The following STIM1 variants were observed in gnomAD, a reference collection of about 807,000 sequenced individuals.
The protein encoded by STIM1 is stromal interaction molecule 1.
A neutral mutation model predicts 74.7 loss-of-function variants in STIM1; 25 were observed. The observed-to-expected ratio is 0.33, with a 90% confidence interval of 0.24 to 0.47. The LOEUF (loss-of-function observed/expected upper bound fraction) is 0.47, where lower values mean the gene tolerates loss of function less well. STIM1 is among the 20% of genes least tolerant of loss of function. The pLI is 1.00. For synonymous variants in STIM1, 328 were observed against 348.8 expected (o/e 0.94, Z 0.66); for missense variants, 728 against 920.8 (o/e 0.79, Z 2.71).
chr11:4,086,602 C>T (rs192463697), intron 12 of STIM1, 59 bp downstream of exon 12: 67 of 1,606,532 alleles, frequency 4.2e-5, no homozygotes, highest in East Asian at 1.6e-4. Flanking sequence ...GCGGCGAATG[C>T]GCAGCCTTTC....
At chr11:3,949,239 T>G (rs1311279379) in intron 1 of STIM1, among the ~76,000 whole-genome samples, 2 of 152,100 alleles carry the variant, frequency 1.3e-5, no homozygotes, top group Non-Finnish European at 2.9e-5. Context: ...AACCTGAGTA[T>G]GAATTAGTCA....
At chr11:4,028,701 C>T (rs116119112) in intron 3 of STIM1, among the ~76,000 whole-genome samples, 2 of 152,236 alleles carry the variant, frequency 1.3e-5, no homozygotes, top group African/African-American at 4.8e-5. Flanking sequence ...TGAGCCACCA[C>T]ACTTGGCCAG....
chr11:3,996,421 CG>C (rs1430482134), intron 2 of STIM1, among the ~76,000 whole-genome samples: 1 of 152,160 alleles, frequency 6.6e-6, no homozygotes. Flanking sequence ...GGGGTTTAAA[CG>C]GGACAAAAGA....
At chr11:4,028,914 G>C (rs1475138143) in intron 3 of STIM1, among the ~76,000 whole-genome samples, 2 of 152,014 alleles carry the variant, frequency 1.3e-5, no homozygotes, top group Admixed American at 1.3e-4. Context: ...CAGACTGGGC[G>C]TGGTGGCTCA....
intron 3 of STIM1, among the ~76,000 whole-genome samples, chr11:4,046,868 G>A (rs766505152): frequency 2.6e-5 from 4 of 151,916 alleles, no homozygotes; most frequent in Non-Finnish European, 2.9e-5. Flanking sequence ...GCTTAGGTTC[G>A]TCTCAAACTC....
Position 4,082,799 on chromosome 11 carries a change from C to A in STIM1, c.1138-83C>A, listed in dbSNP as rs899628422. On this transcript the variant is annotated intron_variant, in intron 8 of 12. Transcript: ENST00000526596. ...CCTCAGTTGTGCTAGGAGGAGTGGG[C>A]CCCAGCCATAGGGGAAGGCCTTTCT... The A allele has an allele frequency of 4.4e-6, 5 of 1,130,834 alleles. No homozygotes were observed. In the African/African-American group the frequency reaches 6.1e-5, roughly 14 times the overall value. The allele number at this position is 1,130,834 out of a possible 1,614,324, so 70.1% of individuals were successfully genotyped here. A position where few individuals can be genotyped will look rare whatever the true frequency, so the allele number is the denominator to read the frequency against.
intron 1 of STIM1, among the ~76,000 whole-genome samples, chr11:3,950,635 T>A (rs2093134885): frequency 6.6e-6 from 1 of 152,162 alleles, no homozygotes; most frequent in Non-Finnish European, 1.5e-5. Context: ...AATTTTATTT[T>A]ATTTTTTTGA....
chr11:4,034,503 T>C (rs2094082728), intron 3 of STIM1, among the ~76,000 whole-genome samples: 1 of 152,194 alleles, frequency 6.6e-6, no homozygotes, highest in Non-Finnish European at 1.5e-5. Flanking sequence ...TGTATTATCC[T>C]TTCACTGTAT....
At chr11:3,898,644 T>A (rs1293335645) in intron 1 of STIM1, among the ~76,000 whole-genome samples, 1 of 151,870 alleles carries the variant, frequency 6.6e-6, no homozygotes, top group East Asian at 1.9e-4. Context: ...TTTTTATGAT[T>A]TTAGGTCTAA....
At chr11:3,998,974 C>T (rs1159867971) in intron 2 of STIM1, among the ~76,000 whole-genome samples, 1 of 152,186 alleles carries the variant, frequency 6.6e-6, no homozygotes, top group Non-Finnish European at 1.5e-5. Context: ...TACAAATACT[C>T]AACTCTGTCT....
Position 3,864,434 on chromosome 11 carries a change from G to T in STIM1, c.139+8025G>T, listed in dbSNP as rs187430813. ...TGGCTGGGGCTGAAGACTCTATTTG[G>T]GGGGAGAGTGTTTGCTTTTAAGCTA... On this transcript the variant is annotated intron_variant, in intron 1 of 12. Transcript: ENST00000526596. Among the ~76,000 whole-genome samples the T allele has an allele frequency of 3.3e-3, 504 of 152,284 alleles. 4 individuals are homozygous for T. The highest frequency in any genetic ancestry group is 0.012 in the African/African-American group (482 of 41,538).
At chr11:4,085,060 G>A (rs137932940) in intron 11 of STIM1, among the ~76,000 whole-genome samples, 1 of 152,178 alleles carries the variant, frequency 6.6e-6, no homozygotes, top group Non-Finnish European at 1.5e-5. Flanking sequence ...AGGGAAAGAG[G>A]GAAGGACAAA....
chr11:3,956,481 A>G (rs2093214088), intron 1 of STIM1, among the ~76,000 whole-genome samples: 1 of 152,178 alleles, frequency 6.6e-6, no homozygotes, highest in Non-Finnish European at 1.5e-5. Flanking sequence ...TCTACTAGGT[A>G]GATAGGTTCT....
At chr11:4,019,971 G>T (rs186618467) in intron 2 of STIM1, among the ~76,000 whole-genome samples, 3 of 152,132 alleles carry the variant, frequency 2.0e-5, no homozygotes, top group Non-Finnish European at 2.9e-5. Flanking sequence ...CCAGATTCTG[G>T]TAACCACTAT....
rs190170718 is a variant in STIM1 at position 4,015,679 on chromosome 11, A to G, written c.271-8194A>G. On this transcript the variant is annotated intron_variant, in intron 2 of 12. Coordinates refer to ENST00000526596, the MANE Select transcript of STIM1 (RefSeq NM_001382567.1). ...CATTCTCCCTGTCACTTTCAGGTAC[A>G]CCAATCAGACGTAGATTTGGTCTTT... is the stretch of plus-strand genomic sequence containing the variant. Among the ~76,000 whole-genome samples, 706 of 152,308 alleles carry G rather than the reference A, an allele frequency of 4.6e-3. 4 individuals are homozygous for G. Among genetic ancestry groups the G allele is most frequent in the African/African-American group, 0.016 (673 of 41,564 alleles).
In STIM1 at chr11:4,091,712, A is replaced by G. The variant is rs2094526491; in HGVS notation, c.2065A>G (p.Asn689Asp). 1 of 1,614,156 alleles carries G rather than the reference A, an allele frequency of 6.2e-7. No individual in the cohort carries two copies. Among genetic ancestry groups the G allele is most frequent in the Non-Finnish European group, 8.5e-7 (1 of 1,180,042 alleles). Residue 689 changes from asparagine (N) to aspartate (D), a missense_variant, in exon 13 of 13, where the codon AAT (asparagine) becomes GAT (aspartate). By Grantham distance (23) the Asn-to-Asp change is conservative. This residue lies in a region of STIM1 where 352 missense variants were observed against 370.1 expected (regional missense o/e 0.95). Coordinates refer to ENST00000526596, the MANE Select transcript of STIM1 (RefSeq NM_001382567.1). ...CAAGAAGGCTGTGGCTGAGGAGGAT[A>G]ATGGCTCTATTGGCGAGGAAACAGA... Reference protein sequence around the residue: ...AGKKAVAEEDNGSIGEETDSS... With the variant: ...AGKKAVAEEDDGSIGEETDSS...
intron 1 of STIM1, among the ~76,000 whole-genome samples, chr11:3,933,404 C>A (rs547759187): frequency 1.8e-4 from 27 of 152,274 alleles, no homozygotes; most frequent in African/African-American, 6.3e-4. Flanking sequence ...TTCTAATTTA[C>A]AGATGAGGAG....
intron 1 of STIM1, among the ~76,000 whole-genome samples, chr11:3,923,091 C>G (rs1247962370): frequency 7.9e-6 from 1 of 127,340 alleles, no homozygotes; most frequent in African/African-American, 2.9e-5. Flanking sequence ...CAGAGCGAGA[C>G]TCCGTCTCAA....
Position 3,856,155 on chromosome 11 carries a change from C to A in STIM1, c.-116C>A. On this transcript the variant is annotated 5_prime_UTR_variant, in exon 1 of 13. Transcript: ENST00000526596. ...AGGCTCGCGGGTGGCTGGACAGCTG[C>A]GGAGCCGCGAGGGCATCTTGCCTGG... is the stretch of plus-strand genomic sequence containing the variant. 7.1e-7 allele frequency: 1 copy of A among 1,416,630 alleles called. No individual in the cohort carries two copies. The highest frequency in any genetic ancestry group is 9.8e-7 in the Non-Finnish European group (1 of 1,015,590). The allele number at this position is 1,416,630 out of a possible 1,614,324, so 87.8% of individuals were successfully genotyped here.
Sources: allele counts gnomAD v4.1 joint callset (sites outside exome capture counted in the v4.1 genomes callset), GRCh38; gene constraint gnomAD v4.1.1; regional missense constraint gnomAD v4.1.1; transcripts MANE v1.5; gene names NCBI Gene and HGNC (gene_info 2026-07-23, HGNC 2026-07-21).